FAM174B: variants seen among roughly 807,000 people sequenced by gnomAD.
FAM174B encodes family with sequence similarity 174 member B.
Under a neutral mutation model 10.9 loss-of-function variants are expected in FAM174B, and 12 were observed. The observed-to-expected ratio is 1.10, with a 90% CI of 0.71 to 1.79. The LOEUF is 1.79. FAM174B is among the 40% of genes most tolerant of loss of function. The probability of loss-of-function intolerance (pLI) is 0.00; values close to 1 mark genes in which losing one functional copy is unlikely to be tolerated. For missense variants in FAM174B, 266 were observed against 233.3 expected (o/e 1.14, Z -0.91); for synonymous variants, 132 against 115.8 (o/e 1.14, Z -0.90).
intron 1 of FAM174B, among the ~76,000 whole-genome samples, chr15:92,643,344 A>ATATGTGTGTGTG (rs1555421981): frequency 4.2e-4 from 58 of 138,178 alleles, no homozygotes; most frequent in African/African-American, 1.3e-3. Context: ...TAGGGAAGGA[A>ATATGTGTGTGTG]TGTGTGTGTG....
intron 1 of FAM174B, among the ~76,000 whole-genome samples, chr15:92,632,375 TC>T (rs1378303846): frequency 6.6e-6 from 1 of 152,182 alleles, no homozygotes; most frequent in African/African-American, 2.4e-5. Context: ...AAACCCTGTC[TC>T]TACTAAAAAT....
At chr15:92,633,998 C>T (rs922907702) in intron 1 of FAM174B, among the ~76,000 whole-genome samples, 10 of 99,886 alleles carry the variant, frequency 1.0e-4, no homozygotes, top group African/African-American at 3.0e-4. Context: ...GTCAAACTCC[C>T]GATCTACACG....
At chr15:92,627,890 G>A (rs558323910) in intron 2 of FAM174B, among the ~76,000 whole-genome samples, 25 of 152,270 alleles carry the variant, frequency 1.6e-4, no homozygotes, top group African/African-American at 4.3e-4. Flanking sequence ...ATGGCTTAGC[G>A]ATAAAATCAA....
In FAM174B at chr15:92,655,612, G is replaced by GAGC. The variant is rs538796348; in HGVS notation, c.45_47dup (p.Leu16dup). ...GGGCGGCGGGAGCGGCCAGGAGCGCGAGCAGCAGCAGCGGCAGGAGCGGGG... is the reference window on the plus strand; with the variant it reads ...GGGCGGCGGGAGCGGCCAGGAGCGCGAGCAGCAGCAGCAGCGGCAGGAGCGGGG... On this transcript the variant is annotated inframe_insertion, in exon 1 of 3. Transcript: ENST00000327355. The GAGC allele has an allele frequency of 5.1e-4, 651 of 1,273,034 alleles. 2 individuals carry two copies. In the African/African-American group the frequency reaches 9.4e-3, roughly 18 times the overall value. The allele number at this position is 1,273,034 out of a possible 1,614,324, so 78.9% of individuals were successfully genotyped here.
intron 2 of FAM174B, among the ~76,000 whole-genome samples, chr15:92,622,714 C>T (rs1478748765): frequency 6.6e-6 from 1 of 152,276 alleles, no homozygotes; most frequent in Non-Finnish European, 1.5e-5. Flanking sequence ...GCCCTCACTG[C>T]TCCCTGCATG....
chr15:92,620,147 GCCACATC>G (rs1567041628), intron 2 of FAM174B: 1 of 152,210 alleles, frequency 6.6e-6, no homozygotes, highest in Non-Finnish European at 1.5e-5. Context: ...TGAGACAAAA[GCCACATC>G]TAAGCTTCCT....
chr15:92,637,705 G>C (rs1027119290), intron 1 of FAM174B, among the ~76,000 whole-genome samples: 3 of 152,182 alleles, frequency 2.0e-5, no homozygotes, highest in Non-Finnish European at 4.4e-5. Flanking sequence ...CTGTAAGCAG[G>C]CTTTCAATGA....
chr15:92,619,261 G>A lies in FAM174B; in HGVS notation c.*195C>T. ...GGGTGGCAGAAGCAACTCCATTGTG[G>A]TGACGTGGAAACGAGCTTGCCAGTG... On this transcript the variant is annotated 3_prime_UTR_variant, in exon 3 of 3. Coordinates refer to ENST00000327355, the MANE Select transcript of FAM174B (RefSeq NM_207446.3). 1.4e-6 allele frequency: 1 copy of A among 720,802 alleles called. No individual in the cohort carries two copies. 44.7% of individuals were successfully genotyped at this position (720,802 alleles called of 1,614,324 possible). A position where few individuals can be genotyped will look rare whatever the true frequency, so the allele number is the denominator to read the frequency against.
At chr15:92,620,442 G>A (rs919466290) in intron 2 of FAM174B, among the ~76,000 whole-genome samples, 1 of 152,180 alleles carries the variant, frequency 6.6e-6, no homozygotes, top group Non-Finnish European at 1.5e-5. Flanking sequence ...AGCTCGCAGT[G>A]AGCAGAGATC....
chr15:92,646,000 T>C (rs530283247), intron 1 of FAM174B, among the ~76,000 whole-genome samples: 2 of 152,226 alleles, frequency 1.3e-5, no homozygotes, highest in South Asian at 4.2e-4. Context: ...TCCCTTTCCC[T>C]GCCTGGTCAC....
intron 1 of FAM174B, among the ~76,000 whole-genome samples, chr15:92,639,912 G>C (rs2050879366): frequency 6.6e-6 from 1 of 152,048 alleles, no homozygotes; most frequent in South Asian, 2.1e-4. Flanking sequence ...CCCAGTCTCA[G>C]GTATTTCTTT....
Position 92,619,018 on chromosome 15 carries a change from C to CTCGGAGGGCGCCGTAT in FAM174B, c.*437_*438insATACGGCGCCCTCCGA. 3.4e-6 allele frequency: 2 copies of CTCGGAGGGCGCCGTAT among 595,146 alleles called. No individual in the cohort carries two copies. The highest frequency in any genetic ancestry group is 3.0e-6 in the Non-Finnish European group (1 of 336,034). 36.9% of individuals were successfully genotyped at this position (595,146 alleles called of 1,614,324 possible). ...ATCAGATGGGGTCCAATGTGTAGAT[C>CTCGGAGGGCGCCGTAT]CAGTAGAGAAGAATGTCGGAAATTC... On this transcript the variant is annotated 3_prime_UTR_variant, in exon 3 of 3. Transcript: ENST00000327355.
At chr15:92,624,991 G>A (rs941714949) in intron 2 of FAM174B, among the ~76,000 whole-genome samples, 4 of 152,204 alleles carry the variant, frequency 2.6e-5, no homozygotes, top group African/African-American at 9.7e-5. Flanking sequence ...CTGCACACTA[G>A]GCAACAAAGC....
At chr15:92,622,122 G>A (rs570459524) in intron 2 of FAM174B, among the ~76,000 whole-genome samples, 1 of 152,328 alleles carries the variant, frequency 6.6e-6, no homozygotes, top group Non-Finnish European at 1.5e-5. Flanking sequence ...CTGCCATGCT[G>A]AAATTCACCT....
rs2050701524 is a variant in FAM174B, at chr15:92,619,173, G to C, written c.*283C>G. Reference sequence around the variant, plus strand: ...ACATGTTTCTACCCTTTGCTCCTTAGCAAGGCACAAAGCCTCTTACATGGG... The same window carrying C: ...ACATGTTTCTACCCTTTGCTCCTTACCAAGGCACAAAGCCTCTTACATGGG... On this transcript the variant is annotated 3_prime_UTR_variant, in exon 3 of 3. Transcript: ENST00000327355. 2.9e-6 allele frequency: 2 copies of C among 701,682 alleles called. No individual in the cohort carries two copies. Among genetic ancestry groups the C allele is most frequent in the Non-Finnish European group, 5.2e-6 (2 of 384,298 alleles). 43.5% of individuals were successfully genotyped at this position (701,682 alleles called of 1,614,324 possible).
Position 92,619,023 on chromosome 15 carries a change from A to G in FAM174B, c.*433T>C, listed in dbSNP as rs935446183. 9 of 452,208 alleles carry G rather than the reference A, an allele frequency of 2.0e-5. No individual in the cohort carries two copies. The highest frequency in any genetic ancestry group is 1.3e-4 in the African/African-American group (6 of 46,944). 28.0% of individuals were successfully genotyped at this position (452,208 alleles called of 1,614,324 possible). On this transcript the variant is annotated 3_prime_UTR_variant, in exon 3 of 3. Transcript: ENST00000327355. ...ATGGGGTCCAATGTGTAGATCCAGT[A>G]GAGAAGAATGTCGGAAATTCTAAAT... is the stretch of plus-strand genomic sequence containing the variant.
rs1321707426 is a variant in FAM174B at position 92,626,386 on chromosome 15, C to T, written c.476+3828G>A. 4.6e-5 allele frequency among the ~76,000 whole-genome samples: 7 copies of T among 151,900 alleles called. No homozygotes were observed. In the South Asian group the frequency reaches 1.2e-3, roughly 27 times the overall value. On this transcript the variant is annotated intron_variant, in intron 2 of 2. Coordinates refer to ENST00000327355, the MANE Select transcript of FAM174B (RefSeq NM_207446.3). The stretch of plus-strand genomic sequence containing the variant: ...GTGCTGGATTATAGGCGCGTGCCAC[C>T]GCACCCAGCCAGTTGCTGGATTTTT...
chr15:92,648,368 G>A (rs570331916), intron 1 of FAM174B, among the ~76,000 whole-genome samples: 25 of 152,276 alleles, frequency 1.6e-4, no homozygotes, highest in Admixed American at 7.8e-4. Context: ...CCTCTGATGT[G>A]TTCCATGGCA....
intron 2 of FAM174B, chr15:92,627,269 A>T (rs2050759459): frequency 6.4e-6 from 1 of 156,934 alleles, no homozygotes; most frequent in African/African-American, 2.4e-5. Flanking sequence ...CTTATCTGTT[A>T]ACTTTAACAC....
Sources: gnomAD v4.1 joint callset for allele counts (sites outside exome capture counted in the v4.1 genomes callset) on GRCh38, gnomAD v4.1.1 for gene constraint, MANE v1.5 for transcripts, NCBI Gene and HGNC (gene_info 2026-07-23, HGNC 2026-07-21) for gene names.